PGCKA1: variants seen among roughly 807,000 people sequenced by gnomAD.
PGCKA1 encodes PDCD10 and GCKIII kinases associated 1, also known as PDCD10 and GCKIII kinases-associated protein 1.
chr4:37,524,095 G>A, the PGCKA1 span, among the ~76,000 whole-genome samples: 2 of 152,190 alleles, frequency 1.3e-5, no homozygotes, highest in African/African-American at 4.8e-5. Flanking sequence ...AACAATTGAA[G>A]TATAAAGTGG....
the PGCKA1 span, among the ~76,000 whole-genome samples, chr4:37,548,682 A>C: frequency 2.6e-5 from 4 of 152,380 alleles, no homozygotes; most frequent in East Asian, 5.8e-4. Context: ...ATCTGGTATA[A>C]AAATCATACA....
At chr4:37,457,172 G>C in the PGCKA1 span, among the ~76,000 whole-genome samples, 2 of 152,142 alleles carry the variant, frequency 1.3e-5, no homozygotes. Flanking sequence ...ACATCTGAAG[G>C]CAAAGCTGAA....
At chr4:37,593,048 C>T in the PGCKA1 span, among the ~76,000 whole-genome samples, 3 of 152,160 alleles carry the variant, frequency 2.0e-5, no homozygotes, top group African/African-American at 4.8e-5. Context: ...GACAAGCCAT[C>T]GCAAGTGACC....
chr4:37,482,587 C>G, the PGCKA1 span, among the ~76,000 whole-genome samples: 1 of 152,146 alleles, frequency 6.6e-6, no homozygotes, highest in African/African-American at 2.4e-5. Flanking sequence ...AAAGAAAACC[C>G]TTTTTCTGGG....
At chr4:37,499,383 C>T in the PGCKA1 span, among the ~76,000 whole-genome samples, 1 of 152,114 alleles carries the variant, frequency 6.6e-6, no homozygotes, top group East Asian at 1.9e-4. Context: ...AGTAGGAATG[C>T]TACCAGCTCT....
chr4:37,519,710 A>G, the PGCKA1 span, among the ~76,000 whole-genome samples: 1 of 152,208 alleles, frequency 6.6e-6, no homozygotes, highest in South Asian at 2.1e-4. Context: ...ATCTGCAAAC[A>G]AGGATAATTT....
the PGCKA1 span, among the ~76,000 whole-genome samples, chr4:37,459,633 T>C: frequency 6.6e-6 from 1 of 152,118 alleles, no homozygotes; most frequent in Non-Finnish European, 1.5e-5. Context: ...TTGTTGGAAA[T>C]GCAGAGTCCT....
At chr4:37,570,992 A>G in the PGCKA1 span, among the ~76,000 whole-genome samples, 1 of 152,182 alleles carries the variant, frequency 6.6e-6, no homozygotes, top group Admixed American at 6.5e-5. Context: ...CTGTTAGAAT[A>G]GTTTATCATA....
the PGCKA1 span, among the ~76,000 whole-genome samples, chr4:37,489,645 G>A: frequency 6.6e-6 from 1 of 152,144 alleles, no homozygotes; most frequent in Non-Finnish European, 1.5e-5. Flanking sequence ...TATGTAAGGA[G>A]CACACCAATG....
chr4:37,539,382 C>T, the PGCKA1 span, among the ~76,000 whole-genome samples: 504 of 152,258 alleles, frequency 3.3e-3, 4 homozygotes, highest in African/African-American at 0.011. Context: ...GGCAGCCGGG[C>T]GCGGTGGCTC....
chr4:37,576,263 C>T, the PGCKA1 span, among the ~76,000 whole-genome samples: 1 of 151,952 alleles, frequency 6.6e-6, no homozygotes, highest in Admixed American at 6.6e-5. Context: ...ATTTCTTTCA[C>T]CAACATTTTA....
the PGCKA1 span, among the ~76,000 whole-genome samples, chr4:37,570,429 CAAAAAAAAAAA>C: frequency 8.5e-6 from 1 of 117,578 alleles, no homozygotes; most frequent in African/African-American, 3.2e-5. Flanking sequence ...ATGTTTCTGC[CAAAAAAAAAAA>C]AAAAAAAAGA....
At chr4:37,590,009 C>T in the PGCKA1 span, 7 of 973,266 alleles carry the variant, frequency 7.2e-6, no homozygotes, top group South Asian at 1.6e-5. Flanking sequence ...TAGCAGGAAT[C>T]GTAGAAAGAA....
the PGCKA1 span, among the ~76,000 whole-genome samples, chr4:37,457,517 A>T: frequency 6.6e-6 from 1 of 152,194 alleles, no homozygotes; most frequent in African/African-American, 2.4e-5. Context: ...TCACTTGATC[A>T]CTAGTTGTGG....
At chr4:37,592,910 G>A in the PGCKA1 span, among the ~76,000 whole-genome samples, 1 of 152,334 alleles carries the variant, frequency 6.6e-6, no homozygotes, top group Non-Finnish European at 1.5e-5. Flanking sequence ...TGGGAAGTAT[G>A]TATAATGTCA....
At chr4:37,587,662 T>G in the PGCKA1 span, among the ~76,000 whole-genome samples, 1 of 152,196 alleles carries the variant, frequency 6.6e-6, no homozygotes, top group East Asian at 1.9e-4. Context: ...AGATTCTGTT[T>G]TGGCTTGTCT....
At chr4:37,459,413 G>A in the PGCKA1 span, among the ~76,000 whole-genome samples, 10 of 152,208 alleles carry the variant, frequency 6.6e-5, no homozygotes, top group South Asian at 4.1e-4. Context: ...AGATCCTCAC[G>A]TCATTTATAT....
At chr4:37,458,846 C>G in the PGCKA1 span, among the ~76,000 whole-genome samples, 1 of 152,162 alleles carries the variant, frequency 6.6e-6, no homozygotes, top group Non-Finnish European at 1.5e-5. Context: ...GAATCATGGC[C>G]TTTTTCACAA....
the PGCKA1 span, among the ~76,000 whole-genome samples, chr4:37,577,991 C>A: frequency 6.6e-6 from 1 of 152,096 alleles, no homozygotes; most frequent in African/African-American, 2.4e-5. Flanking sequence ...TGAGAATAGT[C>A]CATGTGCTGA....
Sources: allele counts gnomAD v4.1 joint callset (sites outside exome capture counted in the v4.1 genomes callset), GRCh38; gene constraint gnomAD v4.1.1; transcripts MANE v1.5; gene names NCBI Gene and HGNC (gene_info 2026-07-23, HGNC 2026-07-21).